BCAS1: variants seen among roughly 807,000 people sequenced by gnomAD.
BCAS1 encodes breast carcinoma-amplified sequence 1.
A neutral mutation model predicts 65.4 loss-of-function variants in BCAS1; 46 were observed. The observed-to-expected ratio is 0.70, with a 90% confidence interval of 0.55 to 0.90. The LOEUF (loss-of-function observed/expected upper bound fraction) is 0.90. Among genes scored for constraint, BCAS1 ranks in the 40% least tolerant of loss-of-function variants. The probability of loss-of-function intolerance (pLI) is 0.00; values close to 1 mark genes in which losing one functional copy is unlikely to be tolerated. For synonymous variants in BCAS1, 298 were observed against 293.5 expected (o/e 1.02, Z -0.16); for missense variants, 793 against 771.2 (o/e 1.03, Z -0.33).
chr20:54,004,520 TGAACA>T (rs1305874679), intron 4 of BCAS1, among the ~76,000 whole-genome samples: 2 of 152,208 alleles, frequency 1.3e-5, no homozygotes, highest in African/African-American at 4.8e-5. Context: ...CATGAATAAC[TGAACA>T]GGTGTCTTGA....
At chr20:53,974,409 G>A (rs750329250) in intron 9 of BCAS1, among the ~76,000 whole-genome samples, 8 of 152,238 alleles carry the variant, frequency 5.3e-5, no homozygotes, top group African/African-American at 4.8e-5. Context: ...AACCAACTCC[G>A]GACACAATTT....
At chr20:54,059,022 C>G (rs1180467989) in intron 1 of BCAS1, among the ~76,000 whole-genome samples, 1 of 152,106 alleles carries the variant, frequency 6.6e-6, no homozygotes, top group Admixed American at 6.5e-5. Flanking sequence ...AGAATGAGTG[C>G]GAGCTGGGGA....
At chr20:54,003,970 G>C (rs1396352305) in intron 4 of BCAS1, among the ~76,000 whole-genome samples, 1 of 152,232 alleles carries the variant, frequency 6.6e-6, no homozygotes, top group Non-Finnish European at 1.5e-5. Flanking sequence ...TAGCAGATGA[G>C]TGTTGATATA....
At chr20:54,051,571 G>A (rs1256179833) in intron 3 of BCAS1, among the ~76,000 whole-genome samples, 1 of 152,148 alleles carries the variant, frequency 6.6e-6, no homozygotes, top group Non-Finnish European at 1.5e-5. Context: ...GACTCCTCCT[G>A]CCCCCAGTGA....
chr20:54,008,435 T>C, intron 4 of BCAS1, among the ~76,000 whole-genome samples: 1 of 152,114 alleles, frequency 6.6e-6, no homozygotes, highest in East Asian at 1.9e-4. Context: ...CAGCCAGTGG[T>C]AATGAGACCT....
chr20:53,959,899 T>C (rs1254806759), intron 10 of BCAS1, among the ~76,000 whole-genome samples: 2 of 152,212 alleles, frequency 1.3e-5, no homozygotes, highest in Non-Finnish European at 2.9e-5. Flanking sequence ...TGAGAAGGTT[T>C]AGAAAAAGAA....
chr20:54,005,312 A>ACAAAACAAAACAAAACAAAAC (rs1172027640), intron 4 of BCAS1, among the ~76,000 whole-genome samples: 2 of 151,894 alleles, frequency 1.3e-5, no homozygotes, highest in African/African-American at 2.4e-5. Flanking sequence ...CAAAAACAAA[A>ACAAAACAAAACAAAACAAAAC]CAAAACAAAA....
intron 8 of BCAS1, among the ~76,000 whole-genome samples, chr20:53,976,977 T>G (rs2145713136): frequency 6.6e-6 from 1 of 152,332 alleles, no homozygotes; most frequent in Non-Finnish European, 1.5e-5. Flanking sequence ...TGAGACTGGG[T>G]AATTTATAAA....
intron 1 of BCAS1, among the ~76,000 whole-genome samples, chr20:54,065,541 C>A (rs1038624863): frequency 1.3e-5 from 2 of 152,176 alleles, no homozygotes; most frequent in Non-Finnish European, 2.9e-5. Context: ...CAAGGACCGC[C>A]CCCTTCCCCC....
At chr20:53,945,127 G>C in intron 12 of BCAS1, 131 bp from the exon 13 acceptor site, 1 of 798,218 alleles carries the variant, frequency 1.3e-6, no homozygotes, top group Non-Finnish European at 2.2e-6. Context: ...CCTCAGTGCT[G>C]GGTAAGAGAA....
chr20:53,974,829 T>C (rs550193391), intron 9 of BCAS1, among the ~76,000 whole-genome samples: 4 of 152,224 alleles, frequency 2.6e-5, no homozygotes, highest in African/African-American at 7.2e-5. Context: ...CTTGAAAATT[T>C]TGACAATTCC....
intron 3 of BCAS1, among the ~76,000 whole-genome samples, chr20:54,040,006 C>T (rs2091963044): frequency 6.6e-6 from 1 of 151,382 alleles, no homozygotes; most frequent in Non-Finnish European, 1.5e-5. Flanking sequence ...GCTATCTTAT[C>T]TTCTAAAATA....
intron 12 of BCAS1, among the ~76,000 whole-genome samples, chr20:53,947,049 T>C (rs1245418376): frequency 6.6e-6 from 1 of 152,164 alleles, no homozygotes; most frequent in Non-Finnish European, 1.5e-5. Flanking sequence ...TATAGTATAT[T>C]GTATTTACTA....
intron 3 of BCAS1, 135 bp downstream of exon 3, chr20:54,057,950 G>T: frequency 1.4e-6 from 1 of 700,392 alleles, no homozygotes; most frequent in Non-Finnish European, 2.4e-6. Context: ...GTAGCCCAAG[G>T]AACAAACGCA....
intron 3 of BCAS1, 81 bp from the exon 4 acceptor site, chr20:54,029,053 A>T: frequency 4.0e-6 from 6 of 1,489,840 alleles, no homozygotes; most frequent in Non-Finnish European, 5.3e-6. Context: ...GACATTTTTT[A>T]TACAAAAGCC....
At chr20:54,060,692 G>T (rs904247432) in intron 1 of BCAS1, among the ~76,000 whole-genome samples, 1 of 152,144 alleles carries the variant, frequency 6.6e-6, no homozygotes, top group African/African-American at 2.4e-5. Flanking sequence ...GCACTGCTGG[G>T]TAGGATGGTT....
At chr20:54,018,769 T>A (rs940323108) in intron 4 of BCAS1, among the ~76,000 whole-genome samples, 2 of 152,232 alleles carry the variant, frequency 1.3e-5, no homozygotes, top group African/African-American at 4.8e-5. Context: ...TGGTCCATGA[T>A]GGGTGTATTT....
intron 4 of BCAS1, among the ~76,000 whole-genome samples, chr20:54,001,445 A>T (rs1239565602): frequency 6.6e-6 from 1 of 152,236 alleles, no homozygotes; most frequent in African/African-American, 2.4e-5. Flanking sequence ...CAGGAGTCAT[A>T]CAGCCAGAGG....
intron 4 of BCAS1, among the ~76,000 whole-genome samples, chr20:54,025,075 G>A (rs559212001): frequency 2.6e-5 from 4 of 152,194 alleles, no homozygotes; most frequent in East Asian, 1.9e-4. Flanking sequence ...CGAAAGTAAC[G>A]ATTGCAGGAT....
Sources: allele counts gnomAD v4.1 joint callset (sites outside exome capture counted in the v4.1 genomes callset), GRCh38; gene constraint gnomAD v4.1.1; transcripts MANE v1.5; gene names NCBI Gene and HGNC (gene_info 2026-07-23, HGNC 2026-07-21).